MYO10: variants seen among roughly 807,000 people sequenced by gnomAD.
MYO10 encodes unconventional myosin-X.
In MYO10, 133 loss-of-function variants were observed where a neutral mutation model predicts 257.3. The ratio of observed to expected loss-of-function variants is 0.52; its 90% CI spans 0.45 to 0.60. The LOEUF is 0.60. Among genes scored for constraint, MYO10 ranks in the 20% least tolerant of loss-of-function variants. The probability of loss-of-function intolerance (pLI) is 0.00; values close to 1 mark genes in which losing one functional copy is unlikely to be tolerated. For missense variants in MYO10, 2,399 were observed against 2,635.7 expected (o/e 0.91, Z 1.97); for synonymous variants, 1,104 against 1,028.6 (o/e 1.07, Z -1.40).
chr5:16,894,687 G>A (rs1745169815), intron 1 of MYO10, among the ~76,000 whole-genome samples: 1 of 152,200 alleles, frequency 6.6e-6, no homozygotes, highest in African/African-American at 2.4e-5. Context: ...CTCATTCCCA[G>A]ATGCCTGCAG....
intron 2 of MYO10, among the ~76,000 whole-genome samples, chr5:16,845,736 C>T (rs1018203252): frequency 2.6e-5 from 4 of 152,136 alleles, no homozygotes; most frequent in South Asian, 2.1e-4. Context: ...GAGGCCGAGG[C>T]GGGTGGATCA....
chr5:16,888,993 C>A (rs946266553), intron 1 of MYO10, among the ~76,000 whole-genome samples: 1 of 151,742 alleles, frequency 6.6e-6, no homozygotes, highest in South Asian at 2.1e-4. Context: ...GGCAATATGG[C>A]AAAACCCTGT....
intron 1 of MYO10, among the ~76,000 whole-genome samples, chr5:16,893,146 G>A (rs112928449): frequency 0.014 from 1,757 of 129,860 alleles, 30 homozygotes; most frequent in African/African-American, 0.047. Flanking sequence ...GCAGTGAGCC[G>A]AGATTGCGCC....
At chr5:16,675,974 TAGC>T in intron 34 of MYO10, 54 bp downstream of exon 34, 9 of 1,546,012 alleles carry the variant, frequency 5.8e-6, no homozygotes, top group Non-Finnish European at 7.9e-6. Context: ...GCTAAAGAGT[TAGC>T]AGGGCAAGTG....
chr5:16,825,717 C>T, intron 2 of MYO10, among the ~76,000 whole-genome samples: 1 of 152,322 alleles, frequency 6.6e-6, no homozygotes, highest in Non-Finnish European at 1.5e-5. Flanking sequence ...GATGCAGTGG[C>T]ATATGCCGGT....
At chr5:16,783,290 G>A in intron 5 of MYO10, 45 bp downstream of exon 5, 1 of 1,503,068 alleles carries the variant, frequency 6.7e-7, no homozygotes, top group South Asian at 1.3e-5. Context: ...CATACCATAA[G>A]GAAAGTGAAT....
At chr5:16,747,361 T>TTAAAGATGGCACA (rs1308467408) in intron 19 of MYO10, among the ~76,000 whole-genome samples, 1 of 151,942 alleles carries the variant, frequency 6.6e-6, no homozygotes, top group African/African-American at 2.4e-5. Context: ...ATGGCAATAG[T>TTAAAGATGGCACA]TACGTTTTTA....
At chr5:16,719,989 C>CGT (rs10526050) in intron 19 of MYO10, among the ~76,000 whole-genome samples, 35,392 of 143,298 alleles carry the variant, frequency 0.25, 4,694 homozygotes, top group East Asian at 0.55. Flanking sequence ...TGTGTGCGTG[C>CGT]GTGTGTGTGT....
chr5:16,912,965 A>C (rs888141775), intron 1 of MYO10, among the ~76,000 whole-genome samples: 3 of 144,300 alleles, frequency 2.1e-5, no homozygotes, highest in Non-Finnish European at 3.0e-5. Flanking sequence ...TGAACACCAG[A>C]ACGCAAGGAT....
chr5:16,744,746 T>A (rs1230774930), intron 19 of MYO10, among the ~76,000 whole-genome samples: 1 of 149,240 alleles, frequency 6.7e-6, no homozygotes, highest in South Asian at 2.1e-4. Context: ...ACAAACAACA[T>A]GAAAGCAAAC....
intron 35 of MYO10, among the ~76,000 whole-genome samples, chr5:16,674,342 G>A (rs903149727): frequency 7.2e-5 from 11 of 152,048 alleles, no homozygotes; most frequent in Admixed American, 3.9e-4. Flanking sequence ...TGTGGCGGGC[G>A]CCTGTAATCT....
intron 1 of MYO10, among the ~76,000 whole-genome samples, chr5:16,882,725 T>C (rs1744789289): frequency 6.6e-6 from 1 of 152,070 alleles, no homozygotes; most frequent in Admixed American, 6.6e-5. Flanking sequence ...AGACAATAGA[T>C]GAATGGCTAC....
At chr5:16,690,763 G>A (rs1737462749) in intron 27 of MYO10, among the ~76,000 whole-genome samples, 1 of 152,018 alleles carries the variant, frequency 6.6e-6, no homozygotes, top group South Asian at 2.1e-4. Context: ...GGTGCTGGGA[G>A]TGAGGCGCAG....
chr5:16,815,357 C>A, intron 3 of MYO10: 1 of 669,192 alleles, frequency 1.5e-6, no homozygotes. Context: ...CAAAATATTC[C>A]CAATGAGCAT....
chr5:16,791,472 G>A (rs576474426), intron 4 of MYO10, among the ~76,000 whole-genome samples: 1 of 151,638 alleles, frequency 6.6e-6, no homozygotes, highest in African/African-American at 2.4e-5. Flanking sequence ...TTTCTGTTTG[G>A]GATCCACCCC....
At chr5:16,902,830 G>A (rs894512550) in intron 1 of MYO10, among the ~76,000 whole-genome samples, 10 of 152,158 alleles carry the variant, frequency 6.6e-5, no homozygotes, top group African/African-American at 2.4e-4. Context: ...CATTTCACCT[G>A]GAGAACAACC....
intron 33 of MYO10, among the ~76,000 whole-genome samples, 153 bp downstream of exon 33, chr5:16,679,794 G>T (rs1378311580): frequency 6.7e-6 from 1 of 149,620 alleles, no homozygotes; most frequent in Non-Finnish European, 1.5e-5. Flanking sequence ...CAAAGTGCTG[G>T]AATTACAGGC....
Position 16,666,550 on chromosome 5 carries a change from GA to G in MYO10, c.*141del. The stretch of plus-strand genomic sequence containing the variant: ...AAGGCGGCAGGCAAAAGGATCCTCG[GA>G]GACACCTCCCTCAGACCAGAAGCTT... On this transcript the variant is annotated 3_prime_UTR_variant, in exon 41 of 41. Coordinates refer to ENST00000513610, the MANE Select transcript of MYO10 (RefSeq NM_012334.3). The G allele has an allele frequency of 1.6e-6, 1 of 642,680 alleles. No individual in the cohort carries two copies. The allele number at this position is 642,680 out of a possible 1,614,324, so 39.8% of individuals were successfully genotyped here. A position where few individuals can be genotyped will look rare whatever the true frequency, so the allele number is the denominator to read the frequency against.
rs1736023760 is a variant in MYO10, at chr5:16,662,653, A to T, written c.*4039T>A. On this transcript the variant is annotated 3_prime_UTR_variant, in exon 41 of 41. Transcript: ENST00000513610. ...ATTTTTACAGAGAACTTAGGTGGTG[A>T]TATGGTTTGGCTCTGTCCCCACCCA... The T allele has an allele frequency of 2.0e-5, 3 of 152,014 alleles. No homozygotes were observed. In the South Asian group the frequency reaches 6.3e-4, roughly 32 times the overall value. The allele number at this position is 152,014 out of a possible 1,614,324, so 9.4% of individuals were successfully genotyped here.
Sources: allele counts gnomAD v4.1 joint callset (sites outside exome capture counted in the v4.1 genomes callset), GRCh38; gene constraint gnomAD v4.1.1; transcripts MANE v1.5; gene names NCBI Gene and HGNC (gene_info 2026-07-23, HGNC 2026-07-21).